The following PNMA8C variants were observed in gnomAD, a reference collection of about 807,000 sequenced individuals.
PNMA8C encodes the protein PNMA family member 8C.
In PNMA8C at chr19:46,427,144, T is replaced by C. The variant is rs1969426301; in HGVS notation, c.*601A>G. On this transcript the variant is annotated 3_prime_UTR_variant, in exon 1 of 1. Transcript: ENST00000617053. ...TACTATGAGAGTCACGGGCAAGGTTTTGGTCTGTTTATTCCCCTTCTGTAT... is the reference window on the plus strand; with the variant it reads ...TACTATGAGAGTCACGGGCAAGGTTCTGGTCTGTTTATTCCCCTTCTGTAT... The C allele has an allele frequency of 6.6e-6, 1 of 152,222 alleles. No individual in the cohort carries two copies. Among genetic ancestry groups the C allele is most frequent in the South Asian group, 2.1e-4 (1 of 4,830 alleles). The allele number at this position is 152,222 out of a possible 1,614,324, so 9.4% of individuals were successfully genotyped here.
In PNMA8C at chr19:46,427,579, C is replaced by T. The variant is rs1234919025; in HGVS notation, c.*166G>A. ...TGTTACCTGTGCTATCCAAATGATA[C>T]CCATTCTTACTCCAAAGTTACCCAC... On this transcript the variant is annotated 3_prime_UTR_variant, in exon 1 of 1. Coordinates refer to ENST00000617053, the MANE Select transcript of PNMA8C (RefSeq NM_001386793.1). The T allele has an allele frequency of 2.5e-6, 1 of 396,346 alleles. No homozygotes were observed. Among genetic ancestry groups the T allele is most frequent in the South Asian group, 1.4e-4 (1 of 7,000 alleles). 24.6% of individuals were successfully genotyped at this position (396,346 alleles called of 1,614,324 possible). A position where few individuals can be genotyped will look rare whatever the true frequency, so the allele number is the denominator to read the frequency against.
chr19:46,427,784 T>A lies in PNMA8C; in HGVS notation c.576A>T (p.Lys192Asn), dbSNP rs1195400257. Reference protein sequence around the residue: ...VGKRGKRKNKKNRRRHHASDK... With the variant: ...VGKRGKRKNKNNRRRHHASDK... ...CTGAGGCGTGATGCCGCCGGCGGTT[T>A]TTCTTGTTCTTCCTTTTGCCCCTCT... The change falls in exon 1 of 1, where the codon AAA (lysine) becomes AAT (asparagine). Residue 192 changes from lysine to asparagine, a missense_variant. Lys to Asn is a moderately conservative substitution (Grantham distance 94, BLOSUM62 0). Coordinates refer to ENST00000617053, the MANE Select transcript of PNMA8C (RefSeq NM_001386793.1). 1 of 398,474 alleles carries A rather than the reference T, an allele frequency of 2.5e-6. No individual in the cohort carries two copies. Among genetic ancestry groups the A allele is most frequent in the African/African-American group, 2.1e-5 (1 of 48,550 alleles). 24.7% of individuals were successfully genotyped at this position (398,474 alleles called of 1,614,324 possible).
chr19:46,426,125 T>G lies in PNMA8C; in HGVS notation c.*1620A>C, dbSNP rs1969418124. ...TCACCTCAGTGTTAACGTCGTTCAT[T>G]GGTAACTCTTGAAAATGGCCTCTTA... is the stretch of plus-strand genomic sequence containing the variant. On this transcript the variant is annotated 3_prime_UTR_variant, in exon 1 of 1. Transcript: ENST00000617053. The G allele has an allele frequency of 6.6e-6, 1 of 152,198 alleles. No individual in the cohort carries two copies. Among genetic ancestry groups the G allele is most frequent in the African/African-American group, 2.4e-5 (1 of 41,448 alleles). The allele number at this position is 152,198 out of a possible 1,614,324, so 9.4% of individuals were successfully genotyped here. A position where few individuals can be genotyped will look rare whatever the true frequency, so the allele number is the denominator to read the frequency against.
rs1293443498 is a variant in PNMA8C at position 46,426,563 on chromosome 19, G to A, written c.*1182C>T. On this transcript the variant is annotated 3_prime_UTR_variant, in exon 1 of 1. Transcript: ENST00000617053. ...AACAGGATTTCCAGGAGGGCGCAAA[G>A]CTAGAGGGGTCCGTGCCGCCCGCCT... The A allele has an allele frequency of 1.3e-5, 2 of 152,226 alleles. No individual in the cohort carries two copies. The highest frequency in any genetic ancestry group is 1.3e-4 in the Admixed American group (2 of 15,278). 9.4% of individuals were successfully genotyped at this position (152,226 alleles called of 1,614,324 possible).
chr19:46,425,956 G>C lies in PNMA8C; in HGVS notation c.*1789C>G, dbSNP rs1969416910. On this transcript the variant is annotated 3_prime_UTR_variant, in exon 1 of 1. Transcript: ENST00000617053. ...GGCTGAGTCTTTGTGTTGTGTGTAA[G>C]TTACATTTTTGAAAAGAGATTCAGT... is the stretch of plus-strand genomic sequence containing the variant. 6.6e-6 allele frequency: 1 copy of C among 152,152 alleles called. No individual in the cohort carries two copies. Among genetic ancestry groups the C allele is most frequent in the African/African-American group, 2.4e-5 (1 of 41,438 alleles). The allele number at this position is 152,152 out of a possible 1,614,324, so 9.4% of individuals were successfully genotyped here.
At position 46,425,972 on chromosome 19, in the gene PNMA8C, G is replaced by C. The variant is rs529271470; in HGVS notation, c.*1773C>G. The C allele has an allele frequency of 2.0e-5, 3 of 152,312 alleles. No homozygotes were observed. Among genetic ancestry groups the C allele is most frequent in the Admixed American group, 2.0e-4 (3 of 15,282 alleles). 9.4% of individuals were successfully genotyped at this position (152,312 alleles called of 1,614,324 possible). A position where few individuals can be genotyped will look rare whatever the true frequency, so the allele number is the denominator to read the frequency against. The stretch of plus-strand genomic sequence containing the variant: ...TGTGTGTAAGTTACATTTTTGAAAA[G>C]AGATTCAGTCAAACCTTTGCAGATC... On this transcript the variant is annotated 3_prime_UTR_variant, in exon 1 of 1. Coordinates refer to ENST00000617053, the MANE Select transcript of PNMA8C (RefSeq NM_001386793.1).
At position 46,427,225 on chromosome 19, in the gene PNMA8C, C is replaced by G. The variant is rs1969426773; in HGVS notation, c.*520G>C. ...GGAAATTTTGTTGGTTGCATGGATACATGGATGAATGAGCAATCCACACTC... is the reference window on the plus strand; with the variant it reads ...GGAAATTTTGTTGGTTGCATGGATAGATGGATGAATGAGCAATCCACACTC... On this transcript the variant is annotated 3_prime_UTR_variant, in exon 1 of 1. Coordinates refer to ENST00000617053, the MANE Select transcript of PNMA8C (RefSeq NM_001386793.1). 1 of 152,318 alleles carries G rather than the reference C, an allele frequency of 6.6e-6. No individual in the cohort carries two copies. Among genetic ancestry groups the G allele is most frequent in the African/African-American group, 2.4e-5 (1 of 41,450 alleles). 9.4% of individuals were successfully genotyped at this position (152,318 alleles called of 1,614,324 possible).
rs1230556999 is a variant in PNMA8C at position 46,425,066 on chromosome 19, C to T, written c.*2679G>A. On this transcript the variant is annotated 3_prime_UTR_variant, in exon 1 of 1. Coordinates refer to ENST00000617053, the MANE Select transcript of PNMA8C (RefSeq NM_001386793.1). ...GTATCACAAATATAAATGTTATACC[C>T]CTGAAATCCACAATAAGCACAAAAT... 6.6e-6 allele frequency: 1 copy of T among 152,126 alleles called. No homozygotes were observed. Among genetic ancestry groups the T allele is most frequent in the Non-Finnish European group, 1.5e-5 (1 of 68,030 alleles). 9.4% of individuals were successfully genotyped at this position (152,126 alleles called of 1,614,324 possible). A position where few individuals can be genotyped will look rare whatever the true frequency, so the allele number is the denominator to read the frequency against.
In PNMA8C at chr19:46,428,067, T is replaced by C. The variant is rs1440087677; in HGVS notation, c.293A>G (p.Tyr98Cys). The C allele has an allele frequency of 1.8e-5, 7 of 398,696 alleles. No homozygotes were observed. In the East Asian group the frequency reaches 2.5e-4, roughly 14 times the overall value. 24.7% of individuals were successfully genotyped at this position (398,696 alleles called of 1,614,324 possible). ...TTCAATGTCCTGCTTCCGGGGCATG[T>C]AGACCACTCTCCACACACCGCCCTT... Reference protein sequence around the residue: ...KGKGGVWRVVYMPRKQDIEFL... With the variant: ...KGKGGVWRVVCMPRKQDIEFL... Residue 98 changes from tyrosine (Y) to cysteine (C), a missense_variant, in exon 1 of 1, where the codon TAC (tyrosine) becomes TGC (cysteine). Tyr to Cys is a radical substitution (Grantham distance 194). Transcript: ENST00000617053.
Position 46,427,720 on chromosome 19 carries a change from C to G in PNMA8C, c.*25G>C. 2.5e-6 allele frequency: 1 copy of G among 398,300 alleles called. No homozygotes were observed. The highest frequency in any genetic ancestry group is 4.4e-6 in the Non-Finnish European group (1 of 226,108). 24.7% of individuals were successfully genotyped at this position (398,300 alleles called of 1,614,324 possible). On this transcript the variant is annotated 3_prime_UTR_variant, in exon 1 of 1. Coordinates refer to ENST00000617053, the MANE Select transcript of PNMA8C (RefSeq NM_001386793.1). Reference sequence around the variant, plus strand: ...ATCACCCACACCCCCTCAGACACTCCCCACGCCCACCCGATGCCACCACCT... The same window carrying G: ...ATCACCCACACCCCCTCAGACACTCGCCACGCCCACCCGATGCCACCACCT...
At position 46,426,993 on chromosome 19, in the gene PNMA8C, ACT is replaced by A. The variant is rs1213948124; in HGVS notation, c.*750_*751del. 6.6e-6 allele frequency: 1 copy of A among 152,096 alleles called. No individual in the cohort carries two copies. The highest frequency in any genetic ancestry group is 1.9e-4 in the East Asian group (1 of 5,184). 9.4% of individuals were successfully genotyped at this position (152,096 alleles called of 1,614,324 possible). On this transcript the variant is annotated 3_prime_UTR_variant, in exon 1 of 1. Transcript: ENST00000617053. Reference sequence around the variant, plus strand: ...ACACATATTCAGGTGTTACCCGCACACTCTCAAATATTACCCACAACTACTTT... The same window carrying A: ...ACACATATTCAGGTGTTACCCGCACACTCAAATATTACCCACAACTACTTT...
Position 46,427,210 on chromosome 19 carries a change from T to A in PNMA8C, c.*535A>T, listed in dbSNP as rs1175381785. On this transcript the variant is annotated 3_prime_UTR_variant, in exon 1 of 1. Transcript: ENST00000617053. ...CACTGTAGGTCCTCAGGAAATTTTGTTGGTTGCATGGATACATGGATGAAT... is the reference window on the plus strand; with the variant it reads ...CACTGTAGGTCCTCAGGAAATTTTGATGGTTGCATGGATACATGGATGAAT... 6.6e-6 allele frequency: 1 copy of A among 152,286 alleles called. No individual in the cohort carries two copies. Among genetic ancestry groups the A allele is most frequent in the Non-Finnish European group, 1.5e-5 (1 of 68,086 alleles). The allele number at this position is 152,286 out of a possible 1,614,324, so 9.4% of individuals were successfully genotyped here. A position where few individuals can be genotyped will look rare whatever the true frequency, so the allele number is the denominator to read the frequency against.
In PNMA8C at chr19:46,426,102, A is replaced by C. The variant is rs1969417896; in HGVS notation, c.*1643T>G. On this transcript the variant is annotated 3_prime_UTR_variant, in exon 1 of 1. Transcript: ENST00000617053. ...TACCTGATTTTTAAAATTCTTCTTC[A>C]CCTCAGTGTTAACGTCGTTCATTGG... The C allele has an allele frequency of 6.6e-6, 1 of 152,052 alleles. No individual in the cohort carries two copies. 9.4% of individuals were successfully genotyped at this position (152,052 alleles called of 1,614,324 possible). A position where few individuals can be genotyped will look rare whatever the true frequency, so the allele number is the denominator to read the frequency against.
Position 46,428,594 on chromosome 19 carries a change from G to T in PNMA8C, c.-235C>A, listed in dbSNP as rs1601470213. 5.2e-6 allele frequency: 2 copies of T among 386,970 alleles called. No individual in the cohort carries two copies. Among genetic ancestry groups the T allele is most frequent in the Non-Finnish European group, 9.1e-6 (2 of 219,008 alleles). The allele number at this position is 386,970 out of a possible 1,614,324, so 24.0% of individuals were successfully genotyped here. ...GGCTTCTGTGGCTCCCTCTGAGTGG[G>T]CTCGAAGATTCCCAGGGACTTACGC... is the stretch of plus-strand genomic sequence containing the variant. On this transcript the variant is annotated 5_prime_UTR_variant, in exon 1 of 1. Coordinates refer to ENST00000617053, the MANE Select transcript of PNMA8C (RefSeq NM_001386793.1).
Position 46,428,346 on chromosome 19 carries a change from A to C in PNMA8C, c.14T>G (p.Val5Gly). Reference sequence around the variant, plus strand: ...GTGCTCCAACAGTGCAATGTCCTTCACCCCGAACAGCATCTTGCCCAACTC... The same window carrying C: ...GTGCTCCAACAGTGCAATGTCCTTCCCCCCGAACAGCATCTTGCCCAACTC... MLFG[V>G]KDIALLEHGC... The change falls in exon 1 of 1, where the codon GTG becomes GGG. Residue 5 changes from valine to glycine, a missense_variant. Coordinates refer to ENST00000617053, the MANE Select transcript of PNMA8C (RefSeq NM_001386793.1). The C allele has an allele frequency of 2.5e-6, 1 of 398,494 alleles. No homozygotes were observed. Among genetic ancestry groups the C allele is most frequent in the East Asian group, 3.6e-5 (1 of 28,040 alleles). The allele number at this position is 398,494 out of a possible 1,614,324, so 24.7% of individuals were successfully genotyped here. A position where few individuals can be genotyped will look rare whatever the true frequency, so the allele number is the denominator to read the frequency against.
chr19:46,428,062 G>A lies in PNMA8C; in HGVS notation c.298C>T (p.Pro100Ser), dbSNP rs922609124. Residue 100 changes from proline (P) to serine (S), a missense_variant, in exon 1 of 1, where the codon CCC becomes TCC. Physicochemically the swap from Pro to Ser is moderately conservative, Grantham distance 74. Coordinates refer to ENST00000617053, the MANE Select transcript of PNMA8C (RefSeq NM_001386793.1). The part of the protein sequence containing the change: ...KGGVWRVVYM[P>S]RKQDIEFLTK... ...AGGAATTCAATGTCCTGCTTCCGGGGCATGTAGACCACTCTCCACACACCG... is the reference window on the plus strand; with the variant it reads ...AGGAATTCAATGTCCTGCTTCCGGGACATGTAGACCACTCTCCACACACCG... 5.0e-6 allele frequency: 2 copies of A among 398,632 alleles called. No homozygotes were observed. Among genetic ancestry groups the A allele is most frequent in the South Asian group, 2.5e-4 (2 of 7,852 alleles). The allele number at this position is 398,632 out of a possible 1,614,324, so 24.7% of individuals were successfully genotyped here.
rs1969437568 is a variant in PNMA8C, at chr19:46,428,610, G to A, written c.-251C>T. Reference sequence around the variant, plus strand: ...TCTGAGTGGGCTCGAAGATTCCCAGGGACTTACGCGTGCTGGAGAAGCAGA... The same window carrying A: ...TCTGAGTGGGCTCGAAGATTCCCAGAGACTTACGCGTGCTGGAGAAGCAGA... On this transcript the variant is annotated 5_prime_UTR_variant, in exon 1 of 1. Coordinates refer to ENST00000617053, the MANE Select transcript of PNMA8C (RefSeq NM_001386793.1). 1 of 375,976 alleles carries A rather than the reference G, an allele frequency of 2.7e-6. No homozygotes were observed. Among genetic ancestry groups the A allele is most frequent in the Admixed American group, 4.6e-5 (1 of 21,902 alleles). The allele number at this position is 375,976 out of a possible 1,614,324, so 23.3% of individuals were successfully genotyped here.
At position 46,426,796 on chromosome 19, in the gene PNMA8C, G is replaced by A. The variant is rs1969423497; in HGVS notation, c.*949C>T. On this transcript the variant is annotated 3_prime_UTR_variant, in exon 1 of 1. Coordinates refer to ENST00000617053, the MANE Select transcript of PNMA8C (RefSeq NM_001386793.1). ...TTTTCTGCAAAGGGCGCAGGCGCCT[G>A]GGGTCAGCCTGTGGTCTCCATAGCA... The A allele has an allele frequency of 6.6e-6, 1 of 152,250 alleles. No individual in the cohort carries two copies. The highest frequency in any genetic ancestry group is 1.5e-5 in the Non-Finnish European group (1 of 68,040). The allele number at this position is 152,250 out of a possible 1,614,324, so 9.4% of individuals were successfully genotyped here.
Position 46,427,624 on chromosome 19 carries a change from C to G in PNMA8C, c.*121G>C, listed in dbSNP as rs569355766. The stretch of plus-strand genomic sequence containing the variant: ...ACCCACTCACTAGAGTCATTCCCAC[C>G]CTCCCTTGCATTACCCACACTCACT... On this transcript the variant is annotated 3_prime_UTR_variant, in exon 1 of 1. Coordinates refer to ENST00000617053, the MANE Select transcript of PNMA8C (RefSeq NM_001386793.1). The G allele has an allele frequency of 4.1e-4, 164 of 397,538 alleles. 1 individual carries two copies. The highest frequency in any genetic ancestry group is 3.2e-3 in the African/African-American group (154 of 48,710). 24.6% of individuals were successfully genotyped at this position (397,538 alleles called of 1,614,324 possible). A position where few individuals can be genotyped will look rare whatever the true frequency, so the allele number is the denominator to read the frequency against.
Sources: allele counts gnomAD v4.1 joint callset, GRCh38; gene constraint gnomAD v4.1.1; transcripts MANE v1.5; gene names NCBI Gene and HGNC (gene_info 2026-07-23, HGNC 2026-07-21).